The following C8B variants were observed in gnomAD, a reference collection of about 807,000 sequenced individuals.
C8B encodes the protein complement C8 beta chain.
Under a neutral mutation model 64.6 loss-of-function variants are expected in C8B, and 67 were observed. The observed-to-expected ratio is 1.04, with a 90% CI of 0.85 to 1.27. C8B has a LOEUF of 1.27. C8B is among the 50% of genes most tolerant of loss of function. The pLI is 0.00. For missense variants in C8B, 790 were observed against 725.2 expected (o/e 1.09, Z -1.03); for synonymous variants, 284 against 257.7 (o/e 1.10, Z -0.98).
At position 56,943,695 on chromosome 1, in the gene C8B, C is replaced by T. The variant is rs1279694183; in HGVS notation, c.1234+1G>A. ...GGAAGTCACAAGCCCCTGTCACTCA[C>T]CTTTTATTTCATTCAGAATACCTCT... On this transcript the variant is annotated splice_donor_variant, in intron 8 of 11. Coordinates refer to ENST00000371237, the MANE Select transcript of C8B (RefSeq NM_000066.4). LOFTEE classifies it high-confidence loss of function. 2.5e-6 allele frequency: 4 copies of T among 1,614,048 alleles called. No individual in the cohort carries two copies. The highest frequency in any genetic ancestry group is 8.5e-7 in the Non-Finnish European group (1 of 1,179,946).
At chr1:56,941,511 TAG>T (rs1491293316) in intron 8 of C8B, among the ~76,000 whole-genome samples, 3 of 15,056 alleles carry the variant, frequency 2.0e-4, no homozygotes, top group African/African-American at 4.3e-4. Flanking sequence ...GATAGATACA[TAG>T]ATAGATAGAT....
At chr1:56,944,100 T>A (rs1173751005) in intron 7 of C8B, among the ~76,000 whole-genome samples, 1 of 152,194 alleles carries the variant, frequency 6.6e-6, no homozygotes. Flanking sequence ...AAAGTCATTT[T>A]CTAAAAATTT....
At chr1:56,959,283 A>G (rs1475035193) in intron 2 of C8B, among the ~76,000 whole-genome samples, 1 of 152,236 alleles carries the variant, frequency 6.6e-6, no homozygotes, top group Non-Finnish European at 1.5e-5. Flanking sequence ...TTGAAAATGC[A>G]GAATTAAATC....
rs2101407154 is a variant in C8B, at chr1:56,945,673, C to T, written c.1105+148G>A. 3 of 989,786 alleles carry T rather than the reference C, an allele frequency of 3.0e-6. No individual in the cohort carries two copies. In the South Asian group the frequency reaches 4.1e-5, roughly 14 times the overall value. 61.3% of individuals were successfully genotyped at this position (989,786 alleles called of 1,614,324 possible). ...GCCTAGGGAGCTAGGCAGAGGAGGA[C>T]TGACATTGTCAATCAAAAAGAAGAG... On this transcript the variant is annotated intron_variant, in intron 7 of 11. Transcript: ENST00000371237.
intron 4 of C8B, among the ~76,000 whole-genome samples, 153 bp downstream of exon 4, chr1:56,954,533 A>C (rs988754297): frequency 8.5e-5 from 13 of 152,194 alleles, no homozygotes; most frequent in African/African-American, 3.1e-4. Context: ...AACTGCCCTC[A>C]GAGAGCAACC....
intron 6 of C8B, 96 bp from the exon 7 acceptor site, chr1:56,946,157 C>T: frequency 7.0e-7 from 1 of 1,421,470 alleles, no homozygotes; most frequent in Non-Finnish European, 9.8e-7. Context: ...TGTTCTTGGC[C>T]TGGGGTCATC....
At chr1:56,965,281 G>A (rs956085051) in intron 1 of C8B, among the ~76,000 whole-genome samples, 3 of 151,954 alleles carry the variant, frequency 2.0e-5, no homozygotes, top group African/African-American at 7.3e-5. Flanking sequence ...GCTCCCACTA[G>A]GATATTTTCT....
intron 11 of C8B, chr1:56,931,470 G>C (rs1644700143): frequency 2.9e-6 from 1 of 340,016 alleles, no homozygotes; most frequent in South Asian, 2.4e-5. Context: ...TTTTATGGAG[G>C]AGGGGGCATA....
intron 1 of C8B, among the ~76,000 whole-genome samples, chr1:56,963,091 C>G (rs1044560128): frequency 7.9e-5 from 12 of 152,204 alleles, no homozygotes. Context: ...GCTCCTTGAA[C>G]ATGTGCCCCC....
rs201786363 is a variant in C8B at position 56,960,195 on chromosome 1, G to T, written c.93-19C>A. The T allele has an allele frequency of 2.5e-6, 4 of 1,612,474 alleles. No homozygotes were observed. In the East Asian group the frequency reaches 8.9e-5, roughly 36 times the overall value. On this transcript the variant is annotated intron_variant, in intron 1 of 11. Coordinates refer to ENST00000371237, the MANE Select transcript of C8B (RefSeq NM_000066.4). The stretch of plus-strand genomic sequence containing the variant: ...TTCACCTCTAAAAGTCATTATGAGA[G>T]AAGAGAGTCACGTATCAGAAGGGAA...
chr1:56,954,740 T>C lies in C8B; in HGVS notation c.479A>G (p.Lys160Arg), dbSNP rs1645077407. ...TTGGTCCATTTCATGCTGACATTTT[T>C]TATAAATCCTTCTACAGTTTGCTTC... ...SDEANCRRIY[K>R]KCQHEMDQYW... The change falls in exon 4 of 12, where the codon AAA becomes AGA. Residue 160 changes from lysine to arginine, a missense_variant. By Grantham distance (26) the Lys-to-Arg change is conservative. Coordinates refer to ENST00000371237, the MANE Select transcript of C8B (RefSeq NM_000066.4). The C allele has an allele frequency of 4.3e-6, 7 of 1,614,188 alleles. No individual in the cohort carries two copies. In the East Asian group the frequency reaches 1.3e-4, roughly 31 times the overall value.
rs1049800151 is a variant in C8B, at chr1:56,933,492, G to A, written c.1399-4C>T. The A allele has an allele frequency of 3.1e-6, 5 of 1,613,044 alleles. No individual in the cohort carries two copies. Among genetic ancestry groups the A allele is most frequent in the Non-Finnish European group, 4.2e-6 (5 of 1,179,212 alleles). The stretch of plus-strand genomic sequence containing the variant: ...CTAGTTCATACAGAGGCTCCACCTG[G>A]AAAGGGAAAAGGGCATTTATTTCAA... On this transcript the variant is annotated splice_region_variant and splice_polypyrimidine_tract_variant and intron_variant, in intron 9 of 11. Transcript: ENST00000371237.
chr1:56,940,441 G>A (rs549700587), intron 9 of C8B, among the ~76,000 whole-genome samples: 2 of 151,792 alleles, frequency 1.3e-5, no homozygotes, highest in South Asian at 4.2e-4. Context: ...GTGGTGTCAT[G>A]CACCTATAAC....
chr1:56,941,490 AATAGTAGATAGATAGATACATAGATAG>A (rs1644854960), intron 8 of C8B, among the ~76,000 whole-genome samples: 1 of 138,564 alleles, frequency 7.2e-6, no homozygotes, highest in Non-Finnish European at 1.5e-5. Flanking sequence ...AATAGTAGAT[AATAGTAGATAGATAGATACATAGATAG>A]ATAGATAGAT....
intron 9 of C8B, among the ~76,000 whole-genome samples, chr1:56,938,515 G>A (rs756154769): frequency 5.3e-5 from 8 of 151,972 alleles, no homozygotes; most frequent in African/African-American, 1.5e-4. Context: ...TTTAGACATC[G>A]TTATTTCCTA....
rs775821983 is a variant in C8B at position 56,965,904 on chromosome 1, T to G, written c.45A>C (p.Leu15=). 2 of 1,613,576 alleles carry G rather than the reference T, an allele frequency of 1.2e-6. No individual in the cohort carries two copies. Among genetic ancestry groups the G allele is most frequent in the Non-Finnish European group, 8.5e-7 (1 of 1,179,940 alleles). Residue 15 remains leucine, a synonymous_variant, in exon 1 of 12, where the codon CTA becomes CTC. Transcript: ENST00000371237. ...RTWAWRAPVE[L]FLLCAALGCL... is the part of the protein sequence containing the mutation. Reference sequence around the variant, plus strand: ...AGCCCAGGGCAGCACAGAGAAGAAATAGCTCCACCGGCGCCCTCCAAGCCC... The same window carrying G: ...AGCCCAGGGCAGCACAGAGAAGAAAGAGCTCCACCGGCGCCCTCCAAGCCC...
intron 3 of C8B, among the ~76,000 whole-genome samples, chr1:56,956,483 C>T (rs1285528820): frequency 6.6e-6 from 1 of 152,208 alleles, no homozygotes; most frequent in African/African-American, 2.4e-5. Flanking sequence ...TCTGAATTCT[C>T]AAATTTCCAA....
chr1:56,958,985 C>T (rs776189977), intron 2 of C8B, among the ~76,000 whole-genome samples: 2 of 152,192 alleles, frequency 1.3e-5, no homozygotes, highest in Admixed American at 6.5e-5. Context: ...TGGGTCAGCC[C>T]TCCTATGACC....
chr1:56,954,543 C>T (rs1019377670), intron 4 of C8B, 143 bp downstream of exon 4: 52 of 1,133,254 alleles, frequency 4.6e-5, no homozygotes, highest in South Asian at 3.7e-4. Context: ...AGAGAGCAAC[C>T]GGAAGTGTTA....
Sources: allele counts gnomAD v4.1 joint callset (sites outside exome capture counted in the v4.1 genomes callset), GRCh38; gene constraint gnomAD v4.1.1; transcripts MANE v1.5; gene names NCBI Gene and HGNC (gene_info 2026-07-23, HGNC 2026-07-21).